ATRNL1: variants seen among roughly 807,000 people sequenced by gnomAD.
ATRNL1 encodes the protein attractin-like protein 1.
Under a neutral mutation model 182.7 loss-of-function variants are expected in ATRNL1, and 95 were observed. The ratio of observed to expected loss-of-function variants is 0.52; its 90% CI spans 0.44 to 0.62. The LOEUF is 0.62. Ranked by LOEUF, ATRNL1 falls within the 20% of genes least tolerant of loss-of-function variation. The pLI, the probability that ATRNL1 is intolerant of heterozygous loss-of-function variation, is 0.00. For missense variants in ATRNL1, 1,471 were observed against 1,679.5 expected (o/e 0.88, Z 2.17); for synonymous variants, 576 against 568.3 (o/e 1.01, Z -0.19).
intron 24 of ATRNL1, among the ~76,000 whole-genome samples, chr10:115,496,783 C>G (rs547247646): frequency 6.6e-6 from 1 of 152,106 alleles, no homozygotes; most frequent in East Asian, 1.9e-4. Flanking sequence ...GATGGGGTTC[C>G]CTTTGTAGAT....
At position 115,326,972 on chromosome 10, in the gene ATRNL1, A is replaced by G. The variant is rs530323261; in HGVS notation, c.3038-7310A>G. ...AGACTTAAACATTAGGCCTAAAATC[A>G]TAAAAACCCTAGAAGAAAACCTAGG... On this transcript the variant is annotated intron_variant, in intron 18 of 28. Transcript: ENST00000355044. 2.0e-5 allele frequency among the ~76,000 whole-genome samples: 3 copies of G among 152,294 alleles called. No individual in the cohort carries two copies. The South Asian group carries it at 6.2e-4, about 32-fold the overall frequency.
At chr10:115,656,915 A>G (rs1389044967) in intron 26 of ATRNL1, among the ~76,000 whole-genome samples, 1 of 152,186 alleles carries the variant, frequency 6.6e-6, no homozygotes, top group Non-Finnish European at 1.5e-5. Flanking sequence ...CTTCTTAAAT[A>G]TATATATAGC....
chr10:115,704,025 TG>T, intron 26 of ATRNL1, among the ~76,000 whole-genome samples: 1 of 151,906 alleles, frequency 6.6e-6, no homozygotes, highest in Non-Finnish European at 1.5e-5. Context: ...TGCACAAAAA[TG>T]AATCCCAGAT....
At chr10:115,541,040 C>G (rs782765990) in intron 25 of ATRNL1, among the ~76,000 whole-genome samples, 1 of 152,030 alleles carries the variant, frequency 6.6e-6, no homozygotes, top group Non-Finnish European at 1.5e-5. Context: ...TTAAAGAGGA[C>G]ACATAAAATA....
intron 26 of ATRNL1, among the ~76,000 whole-genome samples, chr10:115,644,506 A>G (rs1366461905): frequency 6.6e-6 from 1 of 152,160 alleles, no homozygotes; most frequent in Admixed American, 6.5e-5. Context: ...AACATTTTGG[A>G]TTCAGATCTA....
chr10:115,607,280 G>C (rs1856920999), intron 26 of ATRNL1, among the ~76,000 whole-genome samples: 1 of 151,704 alleles, frequency 6.6e-6, no homozygotes, highest in South Asian at 2.1e-4. Flanking sequence ...ACAGCATTTA[G>C]TTATTGTTCT....
intron 8 of ATRNL1, among the ~76,000 whole-genome samples, chr10:115,201,081 T>G (rs1215902537): frequency 6.6e-6 from 1 of 151,322 alleles, no homozygotes; most frequent in Non-Finnish European, 1.5e-5. Context: ...GCTTGTTTTT[T>G]TTTTTTTTTT....
At position 115,564,263 on chromosome 10, in the gene ATRNL1, A is replaced by G. The variant is rs143010499; in HGVS notation, c.3795+14727A>G. ...TATTGAAAATGTTAACTATTATAGT[A>G]TATTAATTATTTCCAGTCTGAAATC... On this transcript the variant is annotated intron_variant, in intron 26 of 28. Transcript: ENST00000355044. Among the ~76,000 whole-genome samples, 429 of 152,102 alleles carry G rather than the reference A, an allele frequency of 2.8e-3. 4 individuals carry two copies. Among genetic ancestry groups the G allele is most frequent in the African/African-American group, 9.5e-3 (394 of 41,548 alleles).
rs1428726756 is a variant in ATRNL1 at position 115,639,766 on chromosome 10, G to A, written c.3796-87482G>A. Among the ~76,000 whole-genome samples, 23 of 151,952 alleles carry A rather than the reference G, an allele frequency of 1.5e-4. 1 individual carries two copies. ...AGTAGTCCAAAGGAAGGCAAAAGAA[G>A]AGAGAGGGATAAAATGATGAAAATG... On this transcript the variant is annotated intron_variant, in intron 26 of 28. Transcript: ENST00000355044.
intron 25 of ATRNL1, among the ~76,000 whole-genome samples, chr10:115,519,596 T>C (rs1288721136): frequency 6.6e-6 from 1 of 152,192 alleles, no homozygotes; most frequent in African/African-American, 2.4e-5. Context: ...TAAATAATTA[T>C]AGCCTGTTTT....
intron 28 of ATRNL1, among the ~76,000 whole-genome samples, chr10:115,854,254 C>T (rs1555101266): frequency 6.6e-6 from 1 of 152,152 alleles, no homozygotes. Context: ...CATTAAAATG[C>T]CCTTTCCTCA....
intron 19 of ATRNL1, among the ~76,000 whole-genome samples, chr10:115,336,987 G>C (rs993939035): frequency 3.4e-5 from 5 of 146,828 alleles, no homozygotes; most frequent in Non-Finnish European, 4.4e-5. Context: ...CTGGGGGGGG[G>C]GGACTACAGG....
chr10:115,245,688 C>A (rs1488340145), intron 10 of ATRNL1, among the ~76,000 whole-genome samples: 1 of 151,994 alleles, frequency 6.6e-6, no homozygotes, highest in Non-Finnish European at 1.5e-5. Flanking sequence ...TTGGAATACT[C>A]ATGCAAAGTT....
chr10:115,197,941 T>A (rs1225229309), intron 8 of ATRNL1, among the ~76,000 whole-genome samples: 2 of 152,154 alleles, frequency 1.3e-5, no homozygotes, highest in African/African-American at 4.8e-5. Context: ...TTAGGTTGAT[T>A]CCATATCTTG....
intron 26 of ATRNL1, among the ~76,000 whole-genome samples, chr10:115,587,201 CT>C (rs1855573741): frequency 6.6e-6 from 1 of 151,438 alleles, no homozygotes; most frequent in African/African-American, 2.4e-5. Context: ...TTACTGCTGT[CT>C]TTTTGTTTGT....
intron 26 of ATRNL1, among the ~76,000 whole-genome samples, chr10:115,612,989 T>C (rs1555019531): frequency 6.6e-6 from 1 of 152,248 alleles, no homozygotes; most frequent in Non-Finnish European, 1.5e-5. Context: ...TATGATCTTG[T>C]CCTGATTGTT....
chr10:115,662,644 T>C, intron 26 of ATRNL1, among the ~76,000 whole-genome samples: 1 of 152,296 alleles, frequency 6.6e-6, no homozygotes, highest in Middle Eastern at 3.4e-3. Flanking sequence ...ACATCTGATT[T>C]ATGAATTTAT....
intron 19 of ATRNL1, among the ~76,000 whole-genome samples, chr10:115,356,677 C>T (rs1265410692): frequency 6.6e-6 from 1 of 151,846 alleles, no homozygotes; most frequent in Admixed American, 6.6e-5. Context: ...TTTATCAAAC[C>T]TACTCCCTTC....
chr10:115,864,779 G>A (rs1407262803), intron 28 of ATRNL1, among the ~76,000 whole-genome samples: 3 of 152,050 alleles, frequency 2.0e-5, no homozygotes, highest in African/African-American at 7.2e-5. Flanking sequence ...TCGGGAGATC[G>A]AGACCATCCC....
Sources: allele counts gnomAD v4.1 joint callset (sites outside exome capture counted in the v4.1 genomes callset), GRCh38; gene constraint gnomAD v4.1.1; transcripts MANE v1.5; gene names NCBI Gene and HGNC (gene_info 2026-07-23, HGNC 2026-07-21).